The following CCDC91 variants were observed in gnomAD, a reference collection of about 807,000 sequenced individuals.
The protein encoded by CCDC91 is coiled-coil domain containing 91.
In CCDC91, 48 loss-of-function variants were observed where a neutral mutation model predicts 63.2. The observed-to-expected ratio is 0.76, with a 90% confidence interval of 0.60 to 0.97. The LOEUF (loss-of-function observed/expected upper bound fraction) is 0.97. Among genes scored for constraint, CCDC91 ranks in the 50% least tolerant of loss-of-function variants. The pLI is 0.00. For synonymous variants in CCDC91, 167 were observed against 165.8 expected (o/e 1.01, Z -0.06); for missense variants, 500 against 494.6 (o/e 1.01, Z -0.10).
At chr12:28,504,205 TAATC>T (rs1351139747) in intron 12 of CCDC91, among the ~76,000 whole-genome samples, 5 of 151,960 alleles carry the variant, frequency 3.3e-5, no homozygotes, top group South Asian at 2.1e-4. Context: ...ATGAAATTTG[TAATC>T]AATCTTTGAA....
chr12:28,318,250 G>A lies in CCDC91; in HGVS notation c.576+10501G>A, dbSNP rs1204016279. Among the ~76,000 whole-genome samples the A allele has an allele frequency of 1.1e-4, 16 of 151,754 alleles. No individual in the cohort carries two copies. In the East Asian group the frequency reaches 1.2e-3, roughly 11 times the overall value. ...AACTTAATAATTTGATTATTAGTACGGTGGTTCATATCTGTAATCCCAACA... is the reference window on the plus strand; with the variant it reads ...AACTTAATAATTTGATTATTAGTACAGTGGTTCATATCTGTAATCCCAACA... On this transcript the variant is annotated intron_variant, in intron 6 of 12. Transcript: ENST00000536442.
chr12:28,214,525 A>C (rs1243769057), intron 1 of CCDC91, among the ~76,000 whole-genome samples: 1 of 152,178 alleles, frequency 6.6e-6, no homozygotes, highest in Non-Finnish European at 1.5e-5. Flanking sequence ...ACCAGCTATT[A>C]ATACAGAAAC....
At chr12:28,494,926 G>A (rs1259393905) in intron 12 of CCDC91, among the ~76,000 whole-genome samples, 2 of 151,724 alleles carry the variant, frequency 1.3e-5, no homozygotes, top group Non-Finnish European at 2.9e-5. Context: ...ATACTCTGGA[G>A]ATAACTATAT....
intron 1 of CCDC91, among the ~76,000 whole-genome samples, chr12:28,194,833 C>T (rs1249783826): frequency 2.6e-5 from 4 of 151,502 alleles, no homozygotes; most frequent in Admixed American, 1.3e-4. Context: ...TGTTATAGCT[C>T]GTAAAGGTGG....
chr12:28,202,875 C>G (rs1942570171), intron 1 of CCDC91, among the ~76,000 whole-genome samples: 1 of 152,240 alleles, frequency 6.6e-6, no homozygotes, highest in Non-Finnish European at 1.5e-5. Context: ...ACTGTTACTG[C>G]CACCTCAGGC....
At position 28,375,428 on chromosome 12, in the gene CCDC91, T is replaced by C. The variant is rs865850812; in HGVS notation, c.654+12913T>C. Among the ~76,000 whole-genome samples the C allele has an allele frequency of 2.5e-4, 38 of 152,056 alleles. 1 individual carries two copies. Among genetic ancestry groups the C allele is most frequent in the African/African-American group, 8.9e-4 (37 of 41,552 alleles). ...GAAATATCCACTTCGGAATAAAAGA[T>C]TGTGGCCCATCTCTTCACCTTCTTG... On this transcript the variant is annotated intron_variant, in intron 7 of 12. Coordinates refer to ENST00000536442, the MANE Select transcript of CCDC91 (RefSeq NM_018318.5).
intron 6 of CCDC91, among the ~76,000 whole-genome samples, chr12:28,311,450 C>G (rs1203211377): frequency 6.6e-6 from 1 of 151,966 alleles, no homozygotes; most frequent in Non-Finnish European, 1.5e-5. Flanking sequence ...GATACCACAT[C>G]GAGGTCATCT....
intron 3 of CCDC91, among the ~76,000 whole-genome samples, chr12:28,274,198 G>A (rs1406549844): frequency 6.6e-6 from 1 of 151,996 alleles, no homozygotes; most frequent in Non-Finnish European, 1.5e-5. Flanking sequence ...CCATTGGTCT[G>A]TGTCTCTGTT....
At chr12:28,548,973 T>C in intron 12 of CCDC91, 90 bp from the exon 13 acceptor site, 1 of 833,942 alleles carries the variant, frequency 1.2e-6, no homozygotes, top group Non-Finnish European at 1.9e-6. Flanking sequence ...GGAAAGTTTT[T>C]TCTAGTGGGC....
intron 1 of CCDC91, among the ~76,000 whole-genome samples, chr12:28,242,542 C>CT (rs1945415140): frequency 6.6e-6 from 1 of 151,908 alleles, no homozygotes; most frequent in Admixed American, 6.6e-5. Flanking sequence ...AAGGGGAAGC[C>CT]ATCTGGGACT....
intron 8 of CCDC91, among the ~76,000 whole-genome samples, chr12:28,445,249 T>G (rs1444962488): frequency 6.6e-6 from 1 of 152,176 alleles, no homozygotes; most frequent in Non-Finnish European, 1.5e-5. Context: ...GTTGGATAAC[T>G]TGCCAAAGGT....
rs531172605 is a variant in CCDC91 at position 28,478,016 on chromosome 12, C to T, written c.1102-6036C>T. Among the ~76,000 whole-genome samples, 60 of 152,194 alleles carry T rather than the reference C, an allele frequency of 3.9e-4. 1 individual carries two copies. The highest frequency in any genetic ancestry group is 7.6e-4 in the Non-Finnish European group (52 of 68,018). On this transcript the variant is annotated intron_variant, in intron 11 of 12. Coordinates refer to ENST00000536442, the MANE Select transcript of CCDC91 (RefSeq NM_018318.5). ...GCTCATGGATAGGAATAATCAATAT[C>T]GTGAAAATGGCCATACTGCCCAAGG...
intron 1 of CCDC91, among the ~76,000 whole-genome samples, chr12:28,194,332 G>C (rs11049429): frequency 0.28 from 41,880 of 151,988 alleles, 5,999 homozygotes; most frequent in Non-Finnish European, 0.31. Context: ...TTCTTACTGT[G>C]TCCAGAATTG....
intron 2 of CCDC91, among the ~76,000 whole-genome samples, chr12:28,258,941 T>C (rs1043283497): frequency 1.6e-4 from 25 of 152,072 alleles, no homozygotes; most frequent in African/African-American, 5.8e-4. Flanking sequence ...CCTATTTCTT[T>C]GAATTAATCT....
intron 11 of CCDC91, among the ~76,000 whole-genome samples, chr12:28,482,678 C>T (rs1180974090): frequency 2.0e-5 from 3 of 151,902 alleles, no homozygotes; most frequent in Admixed American, 6.6e-5. Flanking sequence ...ATGCAAGAAA[C>T]TAGCCATTCC....
At chr12:28,293,671 C>T (rs529514001) in intron 3 of CCDC91, among the ~76,000 whole-genome samples, 2 of 151,746 alleles carry the variant, frequency 1.3e-5, no homozygotes, top group Non-Finnish European at 2.9e-5. Flanking sequence ...ATCTCTCTGT[C>T]TCTTTTTAAC....
Position 28,485,913 on chromosome 12 carries a change from A to G in CCDC91, c.1215+1748A>G, listed in dbSNP as rs544540205. 2.6e-4 allele frequency among the ~76,000 whole-genome samples: 39 copies of G among 152,288 alleles called. No individual in the cohort carries two copies. In the South Asian group the frequency reaches 8.1e-3, roughly 32 times the overall value. On this transcript the variant is annotated intron_variant, in intron 12 of 12. Transcript: ENST00000536442. ...CAATTGTGAAAGAACTTAAGTATCAAATAAATTCAAAGACTTCTTGTGGGT... is the reference window on the plus strand; with the variant it reads ...CAATTGTGAAAGAACTTAAGTATCAGATAAATTCAAAGACTTCTTGTGGGT...
chr12:28,397,563 T>C (rs1232524232), intron 8 of CCDC91, among the ~76,000 whole-genome samples: 2 of 152,144 alleles, frequency 1.3e-5, no homozygotes, highest in Admixed American at 6.6e-5. Flanking sequence ...TAACCTGTCT[T>C]AGGTAAGCAA....
chr12:28,369,986 T>A (rs1944513301), intron 7 of CCDC91, among the ~76,000 whole-genome samples: 1 of 152,192 alleles, frequency 6.6e-6, no homozygotes, highest in Non-Finnish European at 1.5e-5. Flanking sequence ...CTCTACGGGC[T>A]ATGGGAGGGG....
Sources: allele counts gnomAD v4.1 joint callset (sites outside exome capture counted in the v4.1 genomes callset), GRCh38; gene constraint gnomAD v4.1.1; transcripts MANE v1.5; gene names NCBI Gene and HGNC (gene_info 2026-07-23, HGNC 2026-07-21).